ARB2A: variants seen among roughly 807,000 people sequenced by gnomAD.
ARB2A encodes the protein cotranscriptional regulator ARB2A.
At chr5:94,024,356 G>A in the ARB2A span, among the ~76,000 whole-genome samples, 1 of 152,152 alleles carries the variant, frequency 6.6e-6, no homozygotes, top group Admixed American at 6.5e-5. Context: ...TCATTCCTGA[G>A]TCTCCAGCCT....
chr5:93,744,113 A>C, the ARB2A span, among the ~76,000 whole-genome samples: 1 of 152,186 alleles, frequency 6.6e-6, no homozygotes, highest in African/African-American at 2.4e-5. Flanking sequence ...CTGAGTTAAA[A>C]CACAGTGGCT....
the ARB2A span, chr5:93,784,242 T>C: frequency 3.1e-6 from 2 of 639,850 alleles, no homozygotes; most frequent in Admixed American, 5.2e-5. Context: ...ATTTTAAACA[T>C]GTCTAGCTTT....
the ARB2A span, among the ~76,000 whole-genome samples, chr5:93,899,792 G>C: frequency 2.1e-3 from 325 of 152,270 alleles, 3 homozygotes; most frequent in African/African-American, 7.4e-3. Flanking sequence ...TATGCCAGTA[G>C]TAATAGTTTT....
chr5:93,887,240 T>A, the ARB2A span, among the ~76,000 whole-genome samples: 1 of 143,300 alleles, frequency 7.0e-6, no homozygotes, highest in African/African-American at 2.6e-5. Flanking sequence ...TGAAAGCAGA[T>A]GGAGAAGTGA....
At chr5:94,053,230 A>C in the ARB2A span, 1 of 1,424,416 alleles carries the variant, frequency 7.0e-7, no homozygotes, top group South Asian at 1.3e-5. Flanking sequence ...TAATAAATCT[A>C]GAAAAGAAAT....
the ARB2A span, among the ~76,000 whole-genome samples, chr5:94,008,139 G>C: frequency 3.9e-5 from 6 of 152,074 alleles, no homozygotes; most frequent in Non-Finnish European, 8.8e-5. Context: ...AAAGAGAGAA[G>C]CATTTCTCTA....
At chr5:93,721,085 G>C in the ARB2A span, among the ~76,000 whole-genome samples, 44 of 152,136 alleles carry the variant, frequency 2.9e-4, no homozygotes, top group African/African-American at 9.2e-4. Context: ...TAAGATTAAG[G>C]AAACAGGCTA....
At chr5:93,864,231 TATTA>T in the ARB2A span, among the ~76,000 whole-genome samples, 376 of 152,336 alleles carry the variant, frequency 2.5e-3, 1 homozygote, top group African/African-American at 8.6e-3. Flanking sequence ...TAAGTGCAAT[TATTA>T]ATTATTACAT....
chr5:93,987,174 C>T, the ARB2A span, among the ~76,000 whole-genome samples: 3 of 152,226 alleles, frequency 2.0e-5, no homozygotes, highest in South Asian at 4.1e-4. Flanking sequence ...AAAAGGTCAT[C>T]TTTCCCTCTT....
the ARB2A span, among the ~76,000 whole-genome samples, chr5:93,970,200 G>A: frequency 6.1e-3 from 932 of 152,074 alleles, 6 homozygotes; most frequent in Non-Finnish European, 0.01. Context: ...AAGAACATCA[G>A]CCCAAGACAT....
At chr5:94,027,549 G>A in the ARB2A span, among the ~76,000 whole-genome samples, 1 of 152,134 alleles carries the variant, frequency 6.6e-6, no homozygotes, top group South Asian at 2.1e-4. Context: ...GAAGGACTGG[G>A]TCTGGAGAGC....
At chr5:93,719,187 T>C in the ARB2A span, among the ~76,000 whole-genome samples, 2 of 152,182 alleles carry the variant, frequency 1.3e-5, no homozygotes, top group African/African-American at 4.8e-5. Context: ...TTCATAAAAT[T>C]ATCCTGAGTT....
the ARB2A span, among the ~76,000 whole-genome samples, chr5:93,973,685 A>T: frequency 6.6e-6 from 1 of 152,166 alleles, no homozygotes; most frequent in African/African-American, 2.4e-5. Flanking sequence ...TCACCAATAA[A>T]AGAAAATCCA....
At chr5:93,900,582 CCA>C in the ARB2A span, among the ~76,000 whole-genome samples, 16 of 149,576 alleles carry the variant, frequency 1.1e-4, no homozygotes. Flanking sequence ...CCACTGCACT[CCA>C]GCCTGGGCGA....
chr5:93,766,088 G>T, the ARB2A span, among the ~76,000 whole-genome samples: 1 of 152,102 alleles, frequency 6.6e-6, no homozygotes, highest in Non-Finnish European at 1.5e-5. Flanking sequence ...AAAAATCCTA[G>T]AAGAAAACCT....
At chr5:93,767,553 T>A in the ARB2A span, among the ~76,000 whole-genome samples, 1 of 152,112 alleles carries the variant, frequency 6.6e-6, no homozygotes, top group Non-Finnish European at 1.5e-5. Flanking sequence ...GAAGTCATTA[T>A]ATGAAAAAGA....
the ARB2A span, among the ~76,000 whole-genome samples, chr5:93,829,219 C>G: frequency 1.3e-5 from 2 of 152,196 alleles, no homozygotes; most frequent in East Asian, 3.8e-4. Flanking sequence ...ACCCCAAACA[C>G]ATCCCTTTTC....
At chr5:94,027,134 T>C in the ARB2A span, among the ~76,000 whole-genome samples, 1 of 152,164 alleles carries the variant, frequency 6.6e-6, no homozygotes, top group Non-Finnish European at 1.5e-5. Flanking sequence ...TTGGGGGTAA[T>C]AAGATAAGAG....
At chr5:93,694,540 G>T in the ARB2A span, among the ~76,000 whole-genome samples, 1 of 152,144 alleles carries the variant, frequency 6.6e-6, no homozygotes, top group Non-Finnish European at 1.5e-5. Flanking sequence ...AATAGGAGAG[G>T]ACACAAACAA....
Sources: allele counts gnomAD v4.1 joint callset (sites outside exome capture counted in the v4.1 genomes callset), GRCh38; gene constraint gnomAD v4.1.1; transcripts MANE v1.5; gene names NCBI Gene and HGNC (gene_info 2026-07-23, HGNC 2026-07-21).